Variants in PCDHGB7 observed in about 807,000 individuals in gnomAD.
PCDHGB7 encodes the protein protocadherin gamma-B7.
A neutral mutation model predicts 61.4 loss-of-function variants in PCDHGB7; 37 were observed. The observed-to-expected ratio is 0.60, with a 90% CI of 0.46 to 0.79. The LOEUF is 0.79. PCDHGB7 is among the 30% of genes least tolerant of loss of function. The probability of loss-of-function intolerance (pLI) is 0.00; values close to 1 mark genes in which losing one functional copy is unlikely to be tolerated. For missense variants in PCDHGB7, 1,166 were observed against 1,202.5 expected, an observed-to-expected ratio of 0.97 and a Z score of 0.45; for synonymous variants, 464 against 503.5, an observed-to-expected ratio of 0.92 and a Z score of 1.05.
chr5:141,453,144 C>T lies in PCDHGB7; in HGVS notation c.2415+32870C>T, dbSNP rs530175947. ...TTGTTTTGTTTTTGAGATAGGGTCT[C>T]GCTATGTCACCCAGGCTGGAGTCCA... On this transcript the variant is annotated intron_variant, in intron 1 of 3. Transcript: ENST00000398594. Among the ~76,000 whole-genome samples, 290 of 152,062 alleles carry T rather than the reference C, an allele frequency of 1.9e-3. 1 individual carries two copies. The highest frequency in any genetic ancestry group is 6.3e-3 in the African/African-American group (260 of 41,478).
At chr5:141,481,077 G>A (rs1251064585) in intron 1 of PCDHGB7, among the ~76,000 whole-genome samples, 5 of 151,906 alleles carry the variant, frequency 3.3e-5, no homozygotes, top group Non-Finnish European at 7.4e-5. Context: ...AAGAAAGAAA[G>A]AAAAAAGAAA....
chr5:141,498,105 G>C (rs150297456), intron 2 of PCDHGB7, among the ~76,000 whole-genome samples: 1 of 152,324 alleles, frequency 6.6e-6, no homozygotes, highest in East Asian at 1.9e-4. Flanking sequence ...TGGTGTGGGC[G>C]TATAATAGGG....
At chr5:141,501,355 A>G (rs936121172) in intron 2 of PCDHGB7, among the ~76,000 whole-genome samples, 4 of 151,760 alleles carry the variant, frequency 2.6e-5, no homozygotes, top group African/African-American at 9.7e-5. Flanking sequence ...ATAGGGCAAG[A>G]ACCATATTCA....
chr5:141,445,035 T>C (rs1438748354), intron 1 of PCDHGB7, among the ~76,000 whole-genome samples: 1 of 152,208 alleles, frequency 6.6e-6, no homozygotes, highest in Admixed American at 6.5e-5. Flanking sequence ...CTATGTTGTA[T>C]AGTTTTCAGT....
At chr5:141,455,984 G>A (rs1405675950) in intron 1 of PCDHGB7, among the ~76,000 whole-genome samples, 2 of 151,492 alleles carry the variant, frequency 1.3e-5, no homozygotes, top group East Asian at 1.9e-4. Context: ...TGCAAGCTCC[G>A]CCTCTCGGGT....
At chr5:141,428,019 G>C in intron 1 of PCDHGB7, 1 of 1,604,824 alleles carries the variant, frequency 6.2e-7, no homozygotes, top group Non-Finnish European at 8.5e-7. Flanking sequence ...AGTGCCACGC[G>C]CCGCAGAGTC....
chr5:141,489,191 T>C lies in PCDHGB7; in HGVS notation c.2416-5616T>C. On this transcript the variant is annotated intron_variant, in intron 1 of 3. Coordinates refer to ENST00000398594, the MANE Select transcript of PCDHGB7 (RefSeq NM_018927.4). The surrounding 1 kb of genome is among the most constrained non-coding windows in gnomAD (Gnocchi z 4.5). ...CTGCATTCCAAGCCCTGGGTCTACC[T>C]TGGAGACAGGACAGCACAGACTTAC... The C allele has an allele frequency of 7.3e-7, 1 of 1,364,400 alleles. No homozygotes were observed. Among genetic ancestry groups the C allele is most frequent in the Middle Eastern group, 1.9e-4 (1 of 5,334 alleles). The allele number at this position is 1,364,400 out of a possible 1,614,324, so 84.5% of individuals were successfully genotyped here. A position where few individuals can be genotyped will look rare whatever the true frequency, so the allele number is the denominator to read the frequency against.
chr5:141,417,899 C>G lies in PCDHGB7; in HGVS notation c.40C>G (p.Arg14Gly), dbSNP rs781294504. Residue 14 changes from arginine to glycine, a missense_variant, in exon 1 of 4, where the codon CGG becomes GGG. Physicochemically the swap from Arg to Gly is moderately radical, Grantham distance 125. Transcript: ENST00000398594. ...CGCGCAGAGGCGCCGGGCCGGCCCG[C>G]GGCAGGTACTATTTCCTTTGCTGCT... ...SCAQRRRAGP[R>G]QVLFPLLLPL... 2.0e-5 allele frequency: 31 copies of G among 1,581,354 alleles called. 2 individuals carry two copies. In the South Asian group the frequency reaches 3.4e-4, roughly 17 times the overall value.
intron 1 of PCDHGB7, among the ~76,000 whole-genome samples, chr5:141,456,842 A>G (rs1374546355): frequency 6.6e-6 from 1 of 152,150 alleles, no homozygotes; most frequent in African/African-American, 2.4e-5. Flanking sequence ...GGGCGCCTGT[A>G]ATCCCAGCTA....
intron 1 of PCDHGB7, chr5:141,427,949 C>T (rs2097092193): frequency 1.3e-6 from 2 of 1,586,882 alleles, no homozygotes; most frequent in South Asian, 1.1e-5. Context: ...ACCTCAATGA[C>T]AATGTGCCGC....
At chr5:141,508,879 G>A (rs2547559) in intron 3 of PCDHGB7, among the ~76,000 whole-genome samples, 2 of 152,070 alleles carry the variant, frequency 1.3e-5, no homozygotes, top group East Asian at 3.9e-4. Context: ...AGAGGCTGAC[G>A]GCTGGAGGGG....
chr5:141,423,706 A>C (rs1045905298), intron 1 of PCDHGB7: 1 of 1,231,762 alleles, frequency 8.1e-7, no homozygotes, highest in Admixed American at 3.4e-5. Context: ...TCTTGGCACA[A>C]GTCTTTTAAG....
At chr5:141,452,460 G>A (rs750887712) in intron 1 of PCDHGB7, among the ~76,000 whole-genome samples, 1 of 152,140 alleles carries the variant, frequency 6.6e-6, no homozygotes, top group Non-Finnish European at 1.5e-5. Flanking sequence ...GTCAGCAGAC[G>A]GAGCTAGGAA....
At position 141,419,393 on chromosome 5, in the gene PCDHGB7, G is replaced by A. The variant is rs1226844501; in HGVS notation, c.1534G>A (p.Gly512Arg). Residue 512 changes from glycine to arginine, a missense_variant, in exon 1 of 4, where the codon GGG (glycine) becomes AGG (arginine). Transcript: ENST00000398594. ...SSYVSVSAQS[G>R]VVFAQRAFDH... The stretch of plus-strand genomic sequence containing the variant: ...CTACGTGTCCGTGAGCGCGCAGAGC[G>A]GGGTGGTGTTCGCGCAGCGCGCCTT... 6.2e-7 allele frequency: 1 copy of A among 1,613,502 alleles called. No homozygotes were observed. Among genetic ancestry groups the A allele is most frequent in the Non-Finnish European group, 8.5e-7 (1 of 1,179,920 alleles).
chr5:141,422,800 C>T, intron 1 of PCDHGB7: 1 of 1,614,214 alleles, frequency 6.2e-7, no homozygotes, highest in Non-Finnish European at 8.5e-7. Context: ...CGACTATGAG[C>T]AGTTTCGAGA....
intron 1 of PCDHGB7, among the ~76,000 whole-genome samples, chr5:141,481,039 C>T (rs748434260): frequency 4.6e-5 from 7 of 152,048 alleles, no homozygotes; most frequent in Non-Finnish European, 8.8e-5. Flanking sequence ...GCCTGGGCGA[C>T]AGAGCGAGAC....
In PCDHGB7 at chr5:141,486,913, G is replaced by A. The variant is rs2099636995; in HGVS notation, c.2416-7894G>A. ...CTGGTTCCTTATGTCCCCAAGCACT[G>A]CCTCCATCAGTTGGTGCTGGCCACC... On this transcript the variant is annotated intron_variant, in intron 1 of 3. Transcript: ENST00000398594. The surrounding 1 kb of genome is among the most constrained non-coding windows in gnomAD (Gnocchi z 5.0). The A allele has an allele frequency of 1.9e-6, 3 of 1,614,092 alleles. No individual in the cohort carries two copies. The highest frequency in any genetic ancestry group is 1.3e-5 in the African/African-American group (1 of 74,938).
At chr5:141,430,751 A>G in intron 1 of PCDHGB7, 1 of 1,496,066 alleles carries the variant, frequency 6.7e-7, no homozygotes, top group Non-Finnish European at 8.9e-7. Context: ...ATTCTGGAGG[A>G]AGATAAGAAT....
chr5:141,481,658 T>C (rs910422064), intron 1 of PCDHGB7, among the ~76,000 whole-genome samples: 2 of 150,554 alleles, frequency 1.3e-5, no homozygotes, highest in East Asian at 2.0e-4. Context: ...TCTCTACTAA[T>C]AATACAAAAA....
Sources: gnomAD v4.1 joint callset for allele counts (sites outside exome capture counted in the v4.1 genomes callset) on GRCh38, gnomAD v4.1.1 for gene constraint, Gnocchi (gnomAD v3.1) non-coding constraint, MANE v1.5 for transcripts, NCBI Gene and HGNC (gene_info 2026-07-23, HGNC 2026-07-21) for gene names.